TMC3: variants seen among roughly 807,000 people sequenced by gnomAD.
TMC3 encodes the protein transmembrane channel-like protein 3.
In TMC3, 98 loss-of-function variants were observed where a neutral mutation model predicts 110.6. The observed-to-expected ratio is 0.89, with a 90% confidence interval of 0.75 to 1.05. The LOEUF (loss-of-function observed/expected upper bound fraction) is 1.05. TMC3 is among the 50% of genes least tolerant of loss of function. The pLI, the probability that TMC3 is intolerant of heterozygous loss-of-function variation, is 0.00. For missense variants in TMC3, 1,319 were observed against 1,373.2 expected (o/e 0.96, Z 0.62); for synonymous variants, 489 against 513.1 (o/e 0.95, Z 0.63).
At chr15:81,371,432 G>A (rs1353260951) in intron 2 of TMC3, among the ~76,000 whole-genome samples, 1 of 152,206 alleles carries the variant, frequency 6.6e-6, no homozygotes, top group Admixed American at 6.5e-5. Context: ...AGAGATGTCT[G>A]CTTGGCATCT....
chr15:81,344,454 C>T (rs763107540), intron 13 of TMC3, among the ~76,000 whole-genome samples: 25 of 152,090 alleles, frequency 1.6e-4, no homozygotes, highest in Non-Finnish European at 2.5e-4. Flanking sequence ...CTTCATTCTG[C>T]TCTTTACTAT....
At position 81,344,977 on chromosome 15, in the gene TMC3, A is replaced by T. The variant is rs750598872; in HGVS notation, c.1307T>A (p.Ile436Lys). The change falls in exon 13 of 22, where the codon ATA (isoleucine) becomes AAA (lysine). Residue 436 changes from isoleucine to lysine, a missense_variant. By Grantham distance (102) the Ile-to-Lys change is moderately radical. Coordinates refer to ENST00000359440, the MANE Select transcript of TMC3 (RefSeq NM_001080532.3). ...GGTTGCAAAGAAGGTGGTGGAATCT[A>T]TCCAATGACTTGTGTTATTTTTGGT... is the stretch of plus-strand genomic sequence containing the variant. ...MATKNNTSHW[I>K]DSTTFFATRT... 2 of 1,597,680 alleles carry T rather than the reference A, an allele frequency of 1.3e-6. No homozygotes were observed. Among genetic ancestry groups the T allele is most frequent in the African/African-American group, 2.7e-5 (2 of 74,694 alleles).
At chr15:81,370,952 C>A (rs537087513) in intron 2 of TMC3, among the ~76,000 whole-genome samples, 85 of 152,154 alleles carry the variant, frequency 5.6e-4, no homozygotes, top group African/African-American at 2.0e-3. Flanking sequence ...GGATTATAGG[C>A]ATGAGCCACC....
At chr15:81,334,456 C>G (rs978734806) in intron 21 of TMC3, among the ~76,000 whole-genome samples, 1 of 152,154 alleles carries the variant, frequency 6.6e-6, no homozygotes, top group African/African-American at 2.4e-5. Flanking sequence ...ATTTTCTTAG[C>G]CTAGACAAAT....
intron 10 of TMC3, among the ~76,000 whole-genome samples, chr15:81,350,542 T>G (rs1263861399): frequency 6.6e-6 from 1 of 152,230 alleles, no homozygotes; most frequent in Non-Finnish European, 1.5e-5. Flanking sequence ...TATTTCTGTC[T>G]GTAAACATAC....
chr15:81,371,292 C>T (rs1231095430), intron 2 of TMC3, among the ~76,000 whole-genome samples: 6 of 152,206 alleles, frequency 3.9e-5, no homozygotes, highest in East Asian at 1.9e-4. Context: ...ATGACTTCAG[C>T]TATCTTTCAC....
chr15:81,358,555 G>A (rs1012868809), intron 5 of TMC3, 55 bp from the exon 6 acceptor site: 255 of 1,424,704 alleles, frequency 1.8e-4, no homozygotes, highest in Non-Finnish European at 2.3e-4. Context: ...GGGACCGGGA[G>A]AAAATGAGAG....
chr15:81,356,700 G>A (rs1446637503), intron 7 of TMC3, 106 bp from the exon 8 acceptor site: 2 of 1,269,146 alleles, frequency 1.6e-6, no homozygotes, highest in African/African-American at 1.5e-5. Context: ...CACCCCTCTG[G>A]GTGGACGCAG....
intron 3 of TMC3, 22 bp downstream of exon 3, chr15:81,368,231 C>T: frequency 6.2e-7 from 1 of 1,604,668 alleles, no homozygotes; most frequent in Non-Finnish European, 8.5e-7. Context: ...CCGCGCCCAG[C>T]CACATGTGTG....
chr15:81,340,599 TAAAAG>T (rs1291814218), intron 16 of TMC3, among the ~76,000 whole-genome samples: 2 of 152,186 alleles, frequency 1.3e-5, no homozygotes, highest in African/African-American at 2.4e-5. Flanking sequence ...TTAAAACAGT[TAAAAG>T]AATAAGTGTT....
chr15:81,347,645 G>A (rs767000336), intron 11 of TMC3, among the ~76,000 whole-genome samples: 3 of 152,192 alleles, frequency 2.0e-5, no homozygotes, highest in Non-Finnish European at 4.4e-5. Flanking sequence ...GTGAGTTAAT[G>A]GAACTGAAAT....
intron 9 of TMC3, among the ~76,000 whole-genome samples, chr15:81,352,490 C>A (rs977045530): frequency 6.6e-6 from 1 of 152,178 alleles, no homozygotes; most frequent in South Asian, 2.1e-4. Context: ...AAGTATAGTA[C>A]ATACAATTAT....
At chr15:81,365,135 T>G (rs1894282418) in intron 3 of TMC3, among the ~76,000 whole-genome samples, 1 of 152,110 alleles carries the variant, frequency 6.6e-6, no homozygotes, top group Non-Finnish European at 1.5e-5. Context: ...CTAAGACCAG[T>G]GCTGTACTTA....
rs879045807 is a variant in TMC3 at position 81,341,658 on chromosome 15, G to A, written c.1716-140C>T. The A allele has an allele frequency of 9.7e-6, 8 of 823,804 alleles. No homozygotes were observed. In the South Asian group the frequency reaches 1.7e-4, roughly 17 times the overall value. 51.0% of individuals were successfully genotyped at this position (823,804 alleles called of 1,614,324 possible). A position where few individuals can be genotyped will look rare whatever the true frequency, so the allele number is the denominator to read the frequency against. On this transcript the variant is annotated intron_variant, in intron 15 of 21. Coordinates refer to ENST00000359440, the MANE Select transcript of TMC3 (RefSeq NM_001080532.3). ...TTAAAGGACTGGAAAAGCCCCTGAA[G>A]TCCCGAGACCACAACCCTCCACCTT...
intron 1 of TMC3, 42 bp downstream of exon 1, chr15:81,373,947 C>G: frequency 6.3e-7 from 1 of 1,587,378 alleles, no homozygotes; most frequent in Admixed American, 1.7e-5. Context: ...CTTCCTCACA[C>G]ACCTGACTCC....
intron 3 of TMC3, among the ~76,000 whole-genome samples, chr15:81,364,083 CTTTAAA>C (rs2141421489): frequency 6.6e-6 from 1 of 152,284 alleles, no homozygotes; most frequent in South Asian, 2.1e-4. Flanking sequence ...TCAGAGTTCT[CTTTAAA>C]TTTAAAGTTG....
rs1893477659 is a variant in TMC3 at position 81,332,268 on chromosome 15, C to G, written c.*151G>C. 1.7e-6 allele frequency: 2 copies of G among 1,168,966 alleles called. No individual in the cohort carries two copies. The highest frequency in any genetic ancestry group is 3.0e-5 in the Admixed American group (1 of 33,780). 72.4% of individuals were successfully genotyped at this position (1,168,966 alleles called of 1,614,324 possible). A position where few individuals can be genotyped will look rare whatever the true frequency, so the allele number is the denominator to read the frequency against. ...GTAGAATAGGTATCTGTAGCCCTGTCAGCCTCAGGGCCTCAGCTAGCAGCC... is the reference window on the plus strand; with the variant it reads ...GTAGAATAGGTATCTGTAGCCCTGTGAGCCTCAGGGCCTCAGCTAGCAGCC... On this transcript the variant is annotated 3_prime_UTR_variant, in exon 22 of 22. Coordinates refer to ENST00000359440, the MANE Select transcript of TMC3 (RefSeq NM_001080532.3).
rs2141696736 is a variant in TMC3 at position 81,341,387 on chromosome 15, C to T, written c.1844+3G>A. 1.2e-6 allele frequency: 2 copies of T among 1,608,448 alleles called. No homozygotes were observed. The highest frequency in any genetic ancestry group is 2.2e-5 in the East Asian group (1 of 44,694). ...TGCATGATCAGATCTTATTCTTACT[C>T]ACCTTGAGGCTCGAAATACTTGCTG... On this transcript the variant is annotated splice_donor_region_variant and intron_variant, in intron 16 of 21. Transcript: ENST00000359440.
chr15:81,332,804 TAA>T lies in TMC3; in HGVS notation c.2916_2917del (p.Phe972LeufsTer26), dbSNP rs777650778. On this transcript the variant is annotated frameshift_variant, in exon 22 of 22. Transcript: ENST00000359440. LOFTEE classifies it low-confidence loss of function (END_TRUNC). The stretch of plus-strand genomic sequence containing the variant: ...CTGACTTTCGGACCTCTCCCCAATA[TAA>T]AAATGAGGAGCCCGACGGAGGTCTA... 1 of 1,611,412 alleles carries T rather than the reference TAA, an allele frequency of 6.2e-7. No homozygotes were observed. Among genetic ancestry groups the T allele is most frequent in the Non-Finnish European group, 8.5e-7 (1 of 1,178,886 alleles).
Sources: gnomAD v4.1 joint callset for allele counts (sites outside exome capture counted in the v4.1 genomes callset) on GRCh38, gnomAD v4.1.1 for gene constraint, MANE v1.5 for transcripts, NCBI Gene and HGNC (gene_info 2026-07-23, HGNC 2026-07-21) for gene names.